Variants in ROBO1 observed in about 807,000 individuals in gnomAD.
ROBO1 encodes the protein roundabout guidance receptor 1, also known as roundabout homolog 1.
A neutral mutation model predicts 195.9 loss-of-function variants in ROBO1; 149 were observed. The ratio of observed to expected loss-of-function variants is 0.76; its 90% CI spans 0.67 to 0.87. The LOEUF (loss-of-function observed/expected upper bound fraction) is 0.87, where lower values mean the gene tolerates loss of function less well. ROBO1 is among the 40% of genes least tolerant of loss of function. ROBO1 has a pLI of 0.00. For missense variants in ROBO1, 1,933 were observed against 2,068.3 expected (o/e 0.93, Z 1.27); for synonymous variants, 816 against 733.2 (o/e 1.11, Z -1.82).
intron 1 of ROBO1, among the ~76,000 whole-genome samples, chr3:79,696,359 ATAAC>A (rs1158349259): frequency 1.3e-5 from 2 of 151,054 alleles, no homozygotes; most frequent in African/African-American, 4.8e-5. Context: ...CTTATTAAAT[ATAAC>A]TAATAAACCT....
chr3:79,221,868 C>A (rs1349245633), intron 2 of ROBO1, among the ~76,000 whole-genome samples: 1 of 152,008 alleles, frequency 6.6e-6, no homozygotes, highest in Non-Finnish European at 1.5e-5. Context: ...ATGGTTATCT[C>A]TCTGAGAATA....
intron 6 of ROBO1, 21 bp from the exon 7 acceptor site, chr3:78,717,434 C>T (rs1206155035): frequency 6.2e-7 from 1 of 1,610,512 alleles, no homozygotes; most frequent in South Asian, 1.1e-5. Context: ...AAAGAGTCAT[C>T]TTAAGGTAAA....
chr3:78,840,102 G>A (rs2033077413), intron 4 of ROBO1, among the ~76,000 whole-genome samples: 1 of 152,130 alleles, frequency 6.6e-6, no homozygotes, highest in Admixed American at 6.5e-5. Flanking sequence ...CTTTCATTTT[G>A]GCTGTCTTAA....
chr3:79,354,046 C>CA lies in ROBO1; in HGVS notation c.89-228508dup, dbSNP rs34826463. Among the ~76,000 whole-genome samples the CA allele has an allele frequency of 8.2e-3, 1,084 of 132,690 alleles. 3 individuals carry two copies. The highest frequency in any genetic ancestry group is 0.016 in the African/African-American group (574 of 36,384). 87.0% of individuals were successfully genotyped at this position (132,690 alleles called of 152,430 possible). ...GGCGACAGAGCGAGACTCTGTCTCA[C>CA]AAAAAAAAAAAAAGTTATTAAGTTA... is the stretch of plus-strand genomic sequence containing the variant. On this transcript the variant is annotated intron_variant, in intron 2 of 30. Coordinates refer to ENST00000464233, the MANE Select transcript of ROBO1 (RefSeq NM_002941.4).
At chr3:79,257,232 C>T (rs2082851048) in intron 2 of ROBO1, among the ~76,000 whole-genome samples, 1 of 152,074 alleles carries the variant, frequency 6.6e-6, no homozygotes, top group Non-Finnish European at 1.5e-5. Flanking sequence ...AGGGTGTAAA[C>T]TTGATTTTTC....
intron 4 of ROBO1, among the ~76,000 whole-genome samples, chr3:78,885,005 G>A (rs978237844): frequency 4.6e-5 from 7 of 152,050 alleles, no homozygotes; most frequent in African/African-American, 1.7e-4. Flanking sequence ...TCTGTAAGAT[G>A]TCTTATGAAA....
At chr3:79,614,503 G>T in intron 1 of ROBO1, among the ~76,000 whole-genome samples, 1 of 152,048 alleles carries the variant, frequency 6.6e-6, no homozygotes, top group East Asian at 1.9e-4. Flanking sequence ...AGAAATAAGT[G>T]TGCTTAGCGA....
intron 3 of ROBO1, among the ~76,000 whole-genome samples, chr3:79,072,111 T>C (rs946620030): frequency 4.6e-5 from 7 of 151,928 alleles, no homozygotes; most frequent in African/African-American, 1.7e-4. Context: ...AAATTTTATT[T>C]AGAAATGGCC....
rs188704901 is a variant in ROBO1, at chr3:78,817,131, T to C, written c.500-70231A>G. Among the ~76,000 whole-genome samples the C allele has an allele frequency of 2.4e-3, 360 of 152,210 alleles. 3 individuals are homozygous for C. Among genetic ancestry groups the C allele is most frequent in the African/African-American group, 7.9e-3 (328 of 41,524 alleles). ...GTGGCACATGCTACAGAAAAATCTT[T>C]AGGGGAAGGAAGAGTCAATCAGTAT... is the stretch of plus-strand genomic sequence containing the variant. On this transcript the variant is annotated intron_variant, in intron 4 of 30. Coordinates refer to ENST00000464233, the MANE Select transcript of ROBO1 (RefSeq NM_002941.4).
intron 2 of ROBO1, among the ~76,000 whole-genome samples, chr3:79,355,319 C>T (rs1301804091): frequency 3.3e-5 from 5 of 151,888 alleles, no homozygotes; most frequent in Admixed American, 2.0e-4. Context: ...TTACGGGGCA[C>T]GGCATGATAT....
chr3:78,658,680 A>C (rs1707192104), intron 17 of ROBO1, among the ~76,000 whole-genome samples: 1 of 152,246 alleles, frequency 6.6e-6, no homozygotes, highest in South Asian at 2.1e-4. Flanking sequence ...GATTTAAAAG[A>C]AATCTAAGCC....
At chr3:78,974,240 A>G (rs1172577803) in intron 3 of ROBO1, among the ~76,000 whole-genome samples, 1 of 152,154 alleles carries the variant, frequency 6.6e-6, no homozygotes, top group Admixed American at 6.6e-5. Context: ...CTTGAAATAC[A>G]ACATTAAATG....
rs1350433519 is a variant in ROBO1 at position 79,099,536 on chromosome 3, T to G, written c.172+25920A>C. On this transcript the variant is annotated intron_variant, in intron 3 of 30. Coordinates refer to ENST00000464233, the MANE Select transcript of ROBO1 (RefSeq NM_002941.4). Reference sequence around the variant, plus strand: ...CCAGAGGACAAAAAGGATGGAAGTTTGAAAATGTGTGATCAAATTTTTGCC... The same window carrying G: ...CCAGAGGACAAAAAGGATGGAAGTTGGAAAATGTGTGATCAAATTTTTGCC... Among the ~76,000 whole-genome samples the G allele has an allele frequency of 2.0e-5, 3 of 151,692 alleles. No individual in the cohort carries two copies. In the East Asian group the frequency reaches 5.8e-4, roughly 29 times the overall value.
At chr3:79,549,037 A>G (rs989211725) in intron 2 of ROBO1, among the ~76,000 whole-genome samples, 3 of 152,058 alleles carry the variant, frequency 2.0e-5, no homozygotes, top group African/African-American at 4.8e-5. Flanking sequence ...CCTTCAAGGG[A>G]TGTGCACTTT....
At chr3:79,310,806 T>C (rs2033450428) in intron 2 of ROBO1, among the ~76,000 whole-genome samples, 3 of 152,196 alleles carry the variant, frequency 2.0e-5, no homozygotes, top group African/African-American at 7.2e-5. Flanking sequence ...TGTATTTCAA[T>C]AAGGCTACAT....
intron 3 of ROBO1, among the ~76,000 whole-genome samples, chr3:78,981,676 C>G (rs1216422126): frequency 6.6e-6 from 1 of 151,936 alleles, no homozygotes; most frequent in Admixed American, 6.6e-5. Flanking sequence ...AGCACTTTGT[C>G]ACACTGAGCA....
At chr3:79,319,526 G>A (rs557747173) in intron 2 of ROBO1, among the ~76,000 whole-genome samples, 12 of 151,932 alleles carry the variant, frequency 7.9e-5, no homozygotes, top group Non-Finnish European at 1.8e-4. Flanking sequence ...TTATTGTTGA[G>A]AAATAGATAT....
chr3:78,737,550 T>C (rs1245261565), intron 5 of ROBO1, among the ~76,000 whole-genome samples: 1 of 152,186 alleles, frequency 6.6e-6, no homozygotes, highest in African/African-American at 2.4e-5. Context: ...ATTTCACAGA[T>C]GGAAACAATG....
rs188155841 is a variant in ROBO1, at chr3:78,597,557, G to C, written c.*1356C>G. 6.6e-6 allele frequency: 1 copy of C among 151,466 alleles called. No homozygotes were observed. Among genetic ancestry groups the C allele is most frequent in the Non-Finnish European group, 1.5e-5 (1 of 67,894 alleles). The allele number at this position is 151,466 out of a possible 1,614,324, so 9.4% of individuals were successfully genotyped here. Reference sequence around the variant, plus strand: ...AAATGTACATTTTTTTCTTCAAATAGCACCAATTATAAAATCAATGATATT... The same window carrying C: ...AAATGTACATTTTTTTCTTCAAATACCACCAATTATAAAATCAATGATATT... On this transcript the variant is annotated 3_prime_UTR_variant, in exon 31 of 31. Coordinates refer to ENST00000464233, the MANE Select transcript of ROBO1 (RefSeq NM_002941.4).
Sources: gnomAD v4.1 joint callset for allele counts (sites outside exome capture counted in the v4.1 genomes callset) on GRCh38, gnomAD v4.1.1 for gene constraint, MANE v1.5 for transcripts, NCBI Gene and HGNC (gene_info 2026-07-23, HGNC 2026-07-21) for gene names.